The following CCDC33 variants were observed in gnomAD, a reference collection of about 807,000 sequenced individuals.
CCDC33 encodes coiled-coil domain containing 33, also known as coiled-coil domain-containing protein 33.
In CCDC33, 94 loss-of-function variants were observed where a neutral mutation model predicts 91.9. The observed-to-expected ratio is 1.02, with a 90% CI of 0.87 to 1.21. The LOEUF is 1.21. CCDC33 is among the 50% of genes most tolerant of loss of function. The pLI, the probability that CCDC33 is intolerant of heterozygous loss-of-function variation, is 0.00. For synonymous variants in CCDC33, 396 were observed against 374.5 expected, an observed-to-expected ratio of 1.06 and a Z score of -0.66; for missense variants, 940 against 935.5, an observed-to-expected ratio of 1.00 and a Z score of -0.06.
chr15:74,230,609 C>T (rs1031058766), intron 2 of CCDC33, among the ~76,000 whole-genome samples: 11 of 152,156 alleles, frequency 7.2e-5, no homozygotes, highest in African/African-American at 1.4e-4. Context: ...AAATGGAAGC[C>T]GCGTTGTCCA....
At chr15:74,209,476 T>G in exon 2 of CCDC33, 1 of 1,531,604 alleles carries the variant, frequency 6.5e-7, no homozygotes, top group Non-Finnish European at 8.7e-7. Flanking sequence ...CCAGCTGGGC[T>G]GAGGGCCCTG....
chr15:74,240,844 C>T (rs530856989), intron 1 of CCDC33, among the ~76,000 whole-genome samples: 1 of 152,328 alleles, frequency 6.6e-6, no homozygotes, highest in Non-Finnish European at 1.5e-5. Flanking sequence ...TTGCCCGCCT[C>T]GGCCTCCCAA....
At chr15:74,213,799 G>A (rs956243929), upstream of CCDC33, among the ~76,000 whole-genome samples, 6 of 152,220 alleles carry the variant, frequency 3.9e-5, no homozygotes, top group African/African-American at 1.4e-4. Context: ...GTACCCCTGC[G>A]GGGGAAGGGA....
At chr15:74,215,704 A>G (rs1595874942), upstream of CCDC33, among the ~76,000 whole-genome samples, 1 of 152,122 alleles carries the variant, frequency 6.6e-6, no homozygotes, top group East Asian at 1.9e-4. Context: ...GATTCTTTGT[A>G]GAAAGTTGGA....
intron 10 of CCDC33, among the ~76,000 whole-genome samples, chr15:74,295,457 A>G (rs1052457639): frequency 2.0e-5 from 3 of 151,670 alleles, no homozygotes; most frequent in Non-Finnish European, 4.4e-5. Flanking sequence ...CTGGGCTGAG[A>G]CTTGAATGAT....
In CCDC33 at chr15:74,290,327, G is replaced by A. The variant is rs943121872; in HGVS notation, c.1096-5427G>A. Among the ~76,000 whole-genome samples the A allele has an allele frequency of 5.3e-5, 8 of 151,922 alleles. No homozygotes were observed. The East Asian group carries it at 9.6e-4, about 18-fold the overall frequency. On this transcript the variant is annotated intron_variant, in intron 10 of 18. Transcript: ENST00000398814. ...CCAGTAGCTGGGATTACAGGTGCCC[G>A]CCACCATGCCCAGCTAACTGTTGTA...
At chr15:74,297,340 T>C (rs1306224736) in intron 11 of CCDC33, among the ~76,000 whole-genome samples, 1 of 152,224 alleles carries the variant, frequency 6.6e-6, no homozygotes, top group African/African-American at 2.4e-5. Context: ...CACTTGCTCC[T>C]GCCCTCTCCA....
At chr15:74,315,842 G>C (rs1332329675) in intron 11 of CCDC33, among the ~76,000 whole-genome samples, 1 of 152,202 alleles carries the variant, frequency 6.6e-6, no homozygotes, top group Non-Finnish European at 1.5e-5. Flanking sequence ...GCACTATTAA[G>C]TGTGGAGGGG....
In CCDC33 at chr15:74,330,306, C is replaced by A. The variant is rs769359824; in HGVS notation, c.1408C>A (p.Gln470Lys). The change falls in exon 12 of 19, where the codon CAG becomes AAG. Residue 470 changes from glutamine to lysine, a missense_variant. By Grantham distance (53) the Gln-to-Lys change is moderately conservative (BLOSUM62 1). Coordinates refer to ENST00000398814, the MANE Select transcript of CCDC33 (RefSeq NM_025055.5). ...NRILRSRLAQ[Q>K]EEEEGQGKAS... is the part of the protein sequence containing the mutation. ...CATACTGAGGAGCCGCCTGGCCCAG[C>A]AGGAGGAGGAAGAGGGGCAGGGCAA... is the stretch of plus-strand genomic sequence containing the variant. The A allele has an allele frequency of 5.0e-6, 8 of 1,610,616 alleles. No individual in the cohort carries two copies. Among genetic ancestry groups the A allele is most frequent in the Non-Finnish European group, 6.8e-6 (8 of 1,179,112 alleles).
intron 11 of CCDC33, among the ~76,000 whole-genome samples, chr15:74,310,398 G>A (rs550866154): frequency 2.0e-5 from 3 of 152,086 alleles, no homozygotes; most frequent in Admixed American, 6.6e-5. Flanking sequence ...TCAGCTGAGC[G>A]TGATGGTGCA....
chr15:74,249,200 C>T (rs762164032), intron 2 of CCDC33, among the ~76,000 whole-genome samples: 2 of 152,036 alleles, frequency 1.3e-5, no homozygotes, highest in African/African-American at 2.4e-5. Flanking sequence ...AAGCCAAATA[C>T]TTGAGGCCGG....
chr15:74,313,161 A>G (rs1168773321), intron 11 of CCDC33, among the ~76,000 whole-genome samples: 1 of 152,178 alleles, frequency 6.6e-6, no homozygotes, highest in Non-Finnish European at 1.5e-5. Context: ...TAAGGGTGGT[A>G]CAGGGGCCAA....
chr15:74,210,915 A>G (rs1451768167), intron 2 of CCDC33, among the ~76,000 whole-genome samples: 1 of 152,226 alleles, frequency 6.6e-6, no homozygotes, highest in Admixed American at 6.5e-5. Flanking sequence ...TCAGGCAGCC[A>G]TCTTGGACTA....
intron 1 of CCDC33, among the ~76,000 whole-genome samples, chr15:74,204,804 G>A (rs541065007): frequency 1.2e-4 from 19 of 152,084 alleles, no homozygotes; most frequent in Non-Finnish European, 1.6e-4. Context: ...ACGTGGTGGC[G>A]CACACCTGTA....
chr15:74,207,311 C>A (rs1235693627), intron 1 of CCDC33, among the ~76,000 whole-genome samples: 1 of 152,254 alleles, frequency 6.6e-6, no homozygotes, highest in East Asian at 1.9e-4. Context: ...TCCCAGAGAA[C>A]CTCCAGAATC....
intron 11 of CCDC33, among the ~76,000 whole-genome samples, chr15:74,318,844 C>A (rs187317255): frequency 2.0e-5 from 3 of 152,130 alleles, no homozygotes; most frequent in African/African-American, 7.2e-5. Context: ...TTTTGCAAGG[C>A]CCCTGGCTCC....
intron 8 of CCDC33, among the ~76,000 whole-genome samples, 169 bp downstream of exon 8, chr15:74,280,261 C>G (rs1182314889): frequency 6.6e-6 from 1 of 152,208 alleles, no homozygotes; most frequent in East Asian, 1.9e-4. Context: ...TCCTTGTCCA[C>G]AGGCCAGGAC....
At chr15:74,219,542 C>T (rs915696588) in intron 2 of CCDC33, among the ~76,000 whole-genome samples, 1 of 152,156 alleles carries the variant, frequency 6.6e-6, no homozygotes, top group Non-Finnish European at 1.5e-5. Context: ...AGGGTGTCGC[C>T]TGGCTTGAAG....
upstream of CCDC33, among the ~76,000 whole-genome samples, chr15:74,234,189 G>C (rs1383199424): frequency 6.6e-6 from 1 of 152,232 alleles, no homozygotes; most frequent in Non-Finnish European, 1.5e-5. Context: ...AGAACTATGG[G>C]CTCTCTAGTG....
Sources: allele counts gnomAD v4.1 joint callset (sites outside exome capture counted in the v4.1 genomes callset), GRCh38; gene constraint gnomAD v4.1.1; transcripts MANE v1.5; gene names NCBI Gene and HGNC (gene_info 2026-07-23, HGNC 2026-07-21).